The following DOP1B variants were observed in gnomAD, a reference collection of about 807,000 sequenced individuals.
The protein encoded by DOP1B is protein DOP1B.
DOP1B carries 174 observed loss-of-function variants against 233.5 expected under a neutral mutation model. That is an observed-to-expected ratio of 0.75 (90% CI 0.66 to 0.85). The LOEUF is 0.85. Ranked by LOEUF, DOP1B falls within the 40% of genes least tolerant of loss-of-function variation. DOP1B has a pLI of 0.00. For missense variants in DOP1B, 2,652 were observed against 2,846.6 expected (o/e 0.93, Z 1.56); for synonymous variants, 1,190 against 1,185.6 (o/e 1.00, Z -0.08).
intron 12 of DOP1B, among the ~76,000 whole-genome samples, chr21:36,226,994 A>G (rs1476096410): frequency 6.6e-6 from 1 of 151,972 alleles, no homozygotes; most frequent in East Asian, 1.9e-4. Flanking sequence ...TCACAAGGTC[A>G]GGAGATTGAG....
intron 30 of DOP1B, among the ~76,000 whole-genome samples, chr21:36,278,767 G>A (rs144122589): frequency 1.3e-5 from 2 of 152,276 alleles, no homozygotes; most frequent in African/African-American, 4.8e-5. Context: ...TACTCGGGAG[G>A]CTGAGGTATG....
At chr21:36,251,886 G>A (rs2067036207) in intron 22 of DOP1B, among the ~76,000 whole-genome samples, 1 of 144,052 alleles carries the variant, frequency 6.9e-6, no homozygotes, top group East Asian at 1.9e-4. Flanking sequence ...ATACATATAA[G>A]AGTATATATA....
chr21:36,290,526 C>T (rs1228064900), intron 35 of DOP1B, among the ~76,000 whole-genome samples: 2 of 152,050 alleles, frequency 1.3e-5, no homozygotes, highest in Admixed American at 1.3e-4. Flanking sequence ...AGGCCAGGCG[C>T]GATGGCTCAC....
intron 2 of DOP1B, among the ~76,000 whole-genome samples, chr21:36,181,603 G>A (rs1425316789): frequency 6.6e-6 from 1 of 152,144 alleles, no homozygotes; most frequent in African/African-American, 2.4e-5. Flanking sequence ...TCTTGAACAC[G>A]TGGCTTTCAC....
chr21:36,163,189 C>A (rs1275860952), intron 1 of DOP1B, among the ~76,000 whole-genome samples: 1 of 151,632 alleles, frequency 6.6e-6, no homozygotes, highest in Non-Finnish European at 1.5e-5. Context: ...ACTAAAAATA[C>A]AAAAATTAGC....
intron 22 of DOP1B, among the ~76,000 whole-genome samples, chr21:36,252,294 T>C (rs960600373): frequency 6.6e-6 from 1 of 151,928 alleles, no homozygotes; most frequent in Non-Finnish European, 1.5e-5. Flanking sequence ...TTTTAATGTG[T>C]AGAAATCACA....
intron 32 of DOP1B, among the ~76,000 whole-genome samples, chr21:36,285,300 T>C (rs988275859): frequency 6.6e-6 from 1 of 152,052 alleles, no homozygotes; most frequent in African/African-American, 2.4e-5. Context: ...CCTCAAGTGA[T>C]CCACCCGCCT....
intron 2 of DOP1B, among the ~76,000 whole-genome samples, chr21:36,177,709 G>A (rs981316404): frequency 2.6e-5 from 4 of 152,196 alleles, no homozygotes; most frequent in Admixed American, 2.6e-4. Context: ...GCCTGAGCTA[G>A]CATTAGCATG....
chr21:36,233,103 A>G (rs562136393), intron 15 of DOP1B, 28 bp downstream of exon 15: 1 of 1,608,148 alleles, frequency 6.2e-7, no homozygotes, highest in South Asian at 1.1e-5. Context: ...CACTCTTCTT[A>G]TGGCCTCCTT....
intron 4 of DOP1B, among the ~76,000 whole-genome samples, chr21:36,204,595 G>A (rs193286435): frequency 1.2e-4 from 18 of 151,238 alleles, no homozygotes; most frequent in East Asian, 1.2e-3. Flanking sequence ...ACGATCCTCC[G>A]GCCTCAGCCT....
chr21:36,271,286 GGTTGGAGTTCACCCAGGTTGGAGTT>G (rs2067285597), intron 27 of DOP1B, among the ~76,000 whole-genome samples: 1 of 135,766 alleles, frequency 7.4e-6, no homozygotes, highest in African/African-American at 3.5e-5. Flanking sequence ...AGTTCACCCA[GGTTGGAGTTCACCCAGGTTGGAGTT>G]CACCCAGGTT....
intron 23 of DOP1B, among the ~76,000 whole-genome samples, chr21:36,255,350 C>A (rs565012152): frequency 1.3e-5 from 2 of 152,012 alleles, no homozygotes; most frequent in East Asian, 3.9e-4. Flanking sequence ...GCTATGTTGG[C>A]CAGACTGGTC....
chr21:36,192,844 C>T lies in DOP1B; in HGVS notation c.139-6226C>T, dbSNP rs550187805. On this transcript the variant is annotated intron_variant, in intron 2 of 36. Coordinates refer to ENST00000691173, the MANE Select transcript of DOP1B (RefSeq NM_001320714.2). ...CTGGGACTACAGGCGCCCGCCACCA[C>T]GCCCGGCTAATTTTTTGTATTTTTT... Among the ~76,000 whole-genome samples the T allele has an allele frequency of 2.8e-4, 41 of 148,814 alleles. No homozygotes were observed. The South Asian group carries it at 7.8e-3, about 28-fold the overall frequency.
chr21:36,261,533 G>A (rs2123638200), intron 24 of DOP1B: 1 of 985,452 alleles, frequency 1.0e-6, no homozygotes, highest in Non-Finnish European at 1.2e-6. Flanking sequence ...TTTTCCCCAT[G>A]GATGAAAAAG....
At chr21:36,176,103 T>TGTGTGTGTGTGTGTGCGC (rs1555886166) in intron 2 of DOP1B, among the ~76,000 whole-genome samples, 1 of 141,920 alleles carries the variant, frequency 7.0e-6, no homozygotes, top group African/African-American at 2.5e-5. Context: ...TGTGCGTGTG[T>TGTGTGTGTGTGTGTGCGC]GTGTGTGTGT....
intron 27 of DOP1B, among the ~76,000 whole-genome samples, chr21:36,271,656 C>T (rs916310344): frequency 3.3e-5 from 5 of 152,044 alleles, no homozygotes; most frequent in Non-Finnish European, 7.3e-5. Flanking sequence ...GTGCTAAACA[C>T]CGGGACCCCT....
In DOP1B at chr21:36,290,671, T is replaced by A. The variant is rs2067545840; in HGVS notation, c.6516-1433T>A. 3.3e-5 allele frequency among the ~76,000 whole-genome samples: 5 copies of A among 152,118 alleles called. No homozygotes were observed. In the South Asian group the frequency reaches 1.0e-3, roughly 32 times the overall value. On this transcript the variant is annotated intron_variant, in intron 35 of 36. Transcript: ENST00000691173. ...TGGGCATGGTGGCGTATGCCTGTAA[T>A]CCCAGCTACTTGGGAGGCTGAGGCA...
intron 2 of DOP1B, 61 bp from the exon 3 acceptor site, chr21:36,199,009 A>G: frequency 6.5e-7 from 1 of 1,547,208 alleles, no homozygotes; most frequent in Non-Finnish European, 8.8e-7. Flanking sequence ...CAGCAGATCC[A>G]CTCTCCATTG....
chr21:36,239,703 C>T (rs969607289), intron 17 of DOP1B, 62 bp from the exon 18 acceptor site: 3 of 1,470,248 alleles, frequency 2.0e-6, no homozygotes, highest in African/African-American at 1.4e-5. Flanking sequence ...CCAGTGTCTG[C>T]CACGGTGCCT....
Sources: allele counts gnomAD v4.1 joint callset (sites outside exome capture counted in the v4.1 genomes callset), GRCh38; gene constraint gnomAD v4.1.1; transcripts MANE v1.5; gene names NCBI Gene and HGNC (gene_info 2026-07-23, HGNC 2026-07-21).